IRAG1: variants seen among roughly 807,000 people sequenced by gnomAD.
IRAG1 encodes inositol 1,4,5-triphosphate receptor associated 1.
IRAG1 carries 62 observed loss-of-function variants against 106.2 expected under a neutral mutation model. The observed-to-expected ratio is 0.58, with a 90% CI of 0.48 to 0.72. IRAG1 has a LOEUF of 0.72. Ranked by LOEUF, IRAG1 falls within the 30% of genes least tolerant of loss-of-function variation. The pLI is 0.00. For synonymous variants in IRAG1, 462 were observed against 443.9 expected, an observed-to-expected ratio of 1.04 and a Z score of -0.51; for missense variants, 1,064 against 1,140.7, an observed-to-expected ratio of 0.93 and a Z score of 0.97.
At chr11:10,656,538 G>A (rs898657794) in intron 1 of IRAG1, among the ~76,000 whole-genome samples, 5 of 152,212 alleles carry the variant, frequency 3.3e-5, no homozygotes, top group Non-Finnish European at 7.3e-5. Context: ...CCCTGCTCAT[G>A]AAAGAAAACA....
chr11:10,600,816 G>A, intron 15 of IRAG1, 102 bp downstream of exon 15: 1 of 1,469,256 alleles, frequency 6.8e-7, no homozygotes, highest in African/African-American at 1.4e-5. Context: ...CTGCTCAACT[G>A]GAAATAAGTC....
intron 9 of IRAG1, among the ~76,000 whole-genome samples, chr11:10,624,890 T>G (rs1357351515): frequency 4.0e-5 from 6 of 151,598 alleles, no homozygotes; most frequent in Non-Finnish European, 1.5e-5. Context: ...TGAAGGCAAA[T>G]CCCTGGCTAT....
intron 15 of IRAG1, among the ~76,000 whole-genome samples, chr11:10,595,425 C>T (rs1853185855): frequency 6.6e-6 from 1 of 152,116 alleles, no homozygotes; most frequent in African/African-American, 2.4e-5. Context: ...TATTTTTAAC[C>T]TTTAGCATGT....
intron 2 of IRAG1, among the ~76,000 whole-genome samples, chr11:10,639,361 C>T (rs544707171): frequency 6.6e-6 from 1 of 152,290 alleles, no homozygotes; most frequent in South Asian, 2.1e-4. Flanking sequence ...ATATCCCTAG[C>T]AGACAAGGAG....
At chr11:10,688,797 C>G (rs932270304) in intron 1 of IRAG1, among the ~76,000 whole-genome samples, 1 of 152,174 alleles carries the variant, frequency 6.6e-6, no homozygotes, top group Non-Finnish European at 1.5e-5. Context: ...TTTACCTATG[C>G]CTTTATTTAC....
At chr11:10,642,030 T>C (rs1040320580) in intron 2 of IRAG1, among the ~76,000 whole-genome samples, 2 of 152,136 alleles carry the variant, frequency 1.3e-5, no homozygotes, top group African/African-American at 4.8e-5. Flanking sequence ...TCACAGAAGG[T>C]ACCTCTTCCT....
intron 2 of IRAG1, among the ~76,000 whole-genome samples, chr11:10,650,195 T>C (rs1349344493): frequency 2.0e-5 from 3 of 152,236 alleles, no homozygotes; most frequent in Non-Finnish European, 4.4e-5. Flanking sequence ...GTTGTAGAAC[T>C]TGGCAGTCTT....
rs960253316 is a variant in IRAG1, at chr11:10,693,685, A to G, written c.-83T>C. On this transcript the variant is annotated 5_prime_UTR_variant, in exon 1 of 21. Transcript: ENST00000423302. ...GAACCTCGGCCGCACGCCTCCTCTG[A>G]GAGGGGCTGGGACTTAGAGCCGAGA... 11 of 1,470,082 alleles carry G rather than the reference A, an allele frequency of 7.5e-6. No homozygotes were observed. In the Admixed American group the frequency reaches 2.2e-4, roughly 29 times the overall value. The allele number at this position is 1,470,082 out of a possible 1,614,324, so 91.1% of individuals were successfully genotyped here.
At chr11:10,688,776 C>G (rs1450941816) in intron 1 of IRAG1, among the ~76,000 whole-genome samples, 3 of 152,206 alleles carry the variant, frequency 2.0e-5, no homozygotes, top group African/African-American at 7.2e-5. Context: ...CAATTTTTCC[C>G]ATGCCTGTGT....
At position 10,634,027 on chromosome 11, in the gene IRAG1, A is replaced by C; in HGVS notation, c.270T>G (p.Ile90Met). The C allele has an allele frequency of 6.2e-7, 1 of 1,612,804 alleles. No homozygotes were observed. The highest frequency in any genetic ancestry group is 8.5e-7 in the Non-Finnish European group (1 of 1,179,312). The change falls in exon 3 of 21, where the codon ATT becomes ATG. Residue 90 changes from isoleucine (I) to methionine (M), a missense_variant. Transcript: ENST00000423302. Reference protein sequence around the residue: ...AGVSCSPTPTIVLTGDATSPE... With the variant: ...AGVSCSPTPTMVLTGDATSPE... ...GTGAAGTGGCATCCCCAGTCAGGAC[A>C]ATCGTGGGAGTTGGACTGCAAGATA...
intron 2 of IRAG1, among the ~76,000 whole-genome samples, chr11:10,641,195 C>T (rs1857482010): frequency 6.6e-6 from 1 of 152,208 alleles, no homozygotes; most frequent in African/African-American, 2.4e-5. Context: ...CCAAATCTGG[C>T]AGCCCTAGAT....
At chr11:10,596,661 T>C (rs1853346801) in intron 15 of IRAG1, among the ~76,000 whole-genome samples, 1 of 152,254 alleles carries the variant, frequency 6.6e-6, no homozygotes, top group Non-Finnish European at 1.5e-5. Flanking sequence ...CTATATCCCA[T>C]ATCTCAATGC....
chr11:10,579,858 T>C (rs1217785910), intron 20 of IRAG1, among the ~76,000 whole-genome samples: 2 of 152,206 alleles, frequency 1.3e-5, no homozygotes, highest in South Asian at 2.1e-4. Context: ...TTCCCCAACT[T>C]AGGGGAAAGT....
In IRAG1 at chr11:10,609,716, T is replaced by A; in HGVS notation, c.1571+12A>T. ...GGTACAGGGCCTTCTGTAACCCACA[T>A]CCTGATTTTACCTTCCAGGGAGACT... On this transcript the variant is annotated intron_variant, in intron 11 of 20. Coordinates refer to ENST00000423302, the MANE Select transcript of IRAG1 (RefSeq NM_130385.4). The A allele has an allele frequency of 6.2e-7, 1 of 1,612,448 alleles. No homozygotes were observed. Among genetic ancestry groups the A allele is most frequent in the Non-Finnish European group, 8.5e-7 (1 of 1,179,606 alleles).
At chr11:10,627,901 C>T (rs1856378174) in intron 7 of IRAG1, 72 bp downstream of exon 7, 1 of 1,576,464 alleles carries the variant, frequency 6.3e-7, no homozygotes, top group Non-Finnish European at 8.6e-7. Flanking sequence ...CACGAAGGGC[C>T]TCCTGGTGTT....
intron 15 of IRAG1, among the ~76,000 whole-genome samples, chr11:10,594,730 A>T (rs188908421): frequency 6.6e-6 from 1 of 152,310 alleles, no homozygotes; most frequent in East Asian, 1.9e-4. Context: ...AACTCACGTA[A>T]TATGTTTAGC....
intron 2 of IRAG1, among the ~76,000 whole-genome samples, chr11:10,638,397 T>A (rs578111694): frequency 1.3e-5 from 2 of 152,352 alleles, no homozygotes; most frequent in Admixed American, 6.5e-5. Context: ...CATGTAGTTT[T>A]CATCCTGGCC....
At chr11:10,614,462 G>T (rs560580304) in intron 10 of IRAG1, among the ~76,000 whole-genome samples, 3 of 152,152 alleles carry the variant, frequency 2.0e-5, no homozygotes, top group Admixed American at 2.0e-4. Flanking sequence ...ATGTGGAACC[G>T]AAAAAGAGCC....
At chr11:10,687,793 C>G in intron 1 of IRAG1, 2 of 1,288,816 alleles carry the variant, frequency 1.6e-6, no homozygotes, top group South Asian at 1.2e-5. Flanking sequence ...GGGGAACAGA[C>G]AGGGGCTAGA....
Sources: allele counts gnomAD v4.1 joint callset (sites outside exome capture counted in the v4.1 genomes callset), GRCh38; gene constraint gnomAD v4.1.1; transcripts MANE v1.5; gene names NCBI Gene and HGNC (gene_info 2026-07-23, HGNC 2026-07-21).